Variants in PTPRD observed in about 807,000 individuals in gnomAD.
PTPRD encodes the protein receptor-type tyrosine-protein phosphatase delta.
In PTPRD, 34 loss-of-function variants were observed where a neutral mutation model predicts 214.5. The observed-to-expected ratio is 0.16, with a 90% confidence interval of 0.12 to 0.21. The LOEUF (loss-of-function observed/expected upper bound fraction) is 0.21. Among genes scored for constraint, PTPRD ranks in the 10% least tolerant of loss-of-function variants. The probability of loss-of-function intolerance (pLI) is 1.00; values close to 1 mark genes in which losing one functional copy is unlikely to be tolerated. For synonymous variants in PTPRD, 1,128 were observed against 845.7 expected (o/e 1.33, Z -5.79); for missense variants, 2,545 against 2,398.7 (o/e 1.06, Z -1.27).
chr9:8,541,755 C>T (rs1046553759), intron 14 of PTPRD, among the ~76,000 whole-genome samples: 54 of 152,136 alleles, frequency 3.5e-4, no homozygotes, highest in African/African-American at 1.3e-3. Flanking sequence ...ATTTATGAAA[C>T]TGCCCAAAGA....
chr9:8,766,934 G>GT (rs1258313295), intron 11 of PTPRD, among the ~76,000 whole-genome samples: 1 of 152,106 alleles, frequency 6.6e-6, no homozygotes, highest in Admixed American at 6.5e-5. Flanking sequence ...TAAGGTCATA[G>GT]TTTTCAAGAA....
intron 8 of PTPRD, among the ~76,000 whole-genome samples, chr9:9,418,858 G>A (rs1273556351): frequency 6.6e-6 from 1 of 151,884 alleles, no homozygotes; most frequent in Non-Finnish European, 1.5e-5. Flanking sequence ...GATTAATTTT[G>A]CATGGAACTT....
chr9:9,848,591 A>G (rs1465357560), intron 5 of PTPRD, among the ~76,000 whole-genome samples: 1 of 151,888 alleles, frequency 6.6e-6, no homozygotes, highest in African/African-American at 2.4e-5. Flanking sequence ...CAAGCTTGAA[A>G]CTCAAGCTTT....
At chr9:9,954,440 A>G (rs1357100940) in intron 4 of PTPRD, among the ~76,000 whole-genome samples, 1 of 151,870 alleles carries the variant, frequency 6.6e-6, no homozygotes, top group Non-Finnish European at 1.5e-5. Flanking sequence ...AACTTTAAAC[A>G]TGTTGTTTTA....
intron 11 of PTPRD, among the ~76,000 whole-genome samples, chr9:8,762,558 A>G (rs2094475912): frequency 6.6e-6 from 1 of 152,174 alleles, no homozygotes; most frequent in Admixed American, 6.5e-5. Flanking sequence ...GAGGAGAGAA[A>G]GCAATACAAA....
chr9:8,978,735 A>C (rs1424673040), intron 11 of PTPRD, among the ~76,000 whole-genome samples: 3 of 152,166 alleles, frequency 2.0e-5, no homozygotes, highest in African/African-American at 7.2e-5. Flanking sequence ...GAGAGACACA[A>C]GGAACAATGG....
At chr9:8,998,696 A>G (rs1021306760) in intron 11 of PTPRD, among the ~76,000 whole-genome samples, 4 of 152,210 alleles carry the variant, frequency 2.6e-5, no homozygotes, top group Middle Eastern at 3.4e-3. Flanking sequence ...TAGAGCTGCT[A>G]TGGATAGTGA....
At chr9:9,539,951 T>C (rs913333331) in intron 8 of PTPRD, among the ~76,000 whole-genome samples, 11 of 151,842 alleles carry the variant, frequency 7.2e-5, no homozygotes, top group African/African-American at 2.4e-4. Context: ...AATGGGGGAA[T>C]AGAAATTACC....
At chr9:9,453,774 A>G (rs536156031) in intron 8 of PTPRD, among the ~76,000 whole-genome samples, 41 of 151,856 alleles carry the variant, frequency 2.7e-4, no homozygotes, top group African/African-American at 9.6e-4. Flanking sequence ...GAGGTTTCAA[A>G]TATTTGTTTA....
At chr9:9,566,621 C>A (rs577176511) in intron 8 of PTPRD, among the ~76,000 whole-genome samples, 22 of 151,944 alleles carry the variant, frequency 1.4e-4, no homozygotes, top group Admixed American at 1.2e-3. Flanking sequence ...TTTAAAAAGG[C>A]TAAACACTAT....
chr9:9,824,505 AT>A (rs1359168817), intron 5 of PTPRD, among the ~76,000 whole-genome samples: 1 of 152,004 alleles, frequency 6.6e-6, no homozygotes, highest in Non-Finnish European at 1.5e-5. Flanking sequence ...AATAAAATAT[AT>A]AAAGTTTTAC....
At chr9:9,161,904 T>G (rs2099890083) in intron 10 of PTPRD, among the ~76,000 whole-genome samples, 1 of 152,206 alleles carries the variant, frequency 6.6e-6, no homozygotes, top group African/African-American at 2.4e-5. Context: ...TTCCTGTACC[T>G]TTATGAAATG....
At chr9:9,061,487 T>C (rs2099707292) in intron 10 of PTPRD, among the ~76,000 whole-genome samples, 2 of 152,170 alleles carry the variant, frequency 1.3e-5, no homozygotes, top group South Asian at 4.1e-4. Context: ...GAGCAGTTAC[T>C]GTAGCTGCCT....
intron 10 of PTPRD, among the ~76,000 whole-genome samples, chr9:9,060,361 G>A (rs1423420587): frequency 6.6e-6 from 1 of 152,044 alleles, no homozygotes; most frequent in Non-Finnish European, 1.5e-5. Flanking sequence ...ATCACTTCTA[G>A]AAGAATTTTA....
rs370125853 is a variant in PTPRD, at chr9:9,487,329, C to T, written c.-237+87403G>A. Among the ~76,000 whole-genome samples the T allele has an allele frequency of 1.1e-4, 17 of 151,680 alleles. No homozygotes were observed. In the East Asian group the frequency reaches 1.4e-3, roughly 12 times the overall value. On this transcript the variant is annotated intron_variant, in intron 8 of 45. Transcript: ENST00000381196. ...TGTGGTGTTTAGTTTTTTGTCCTTG[C>T]GATAGTTTGCTGAGAATGATGGTTT... is the stretch of plus-strand genomic sequence containing the variant.
At chr9:9,858,016 C>G (rs2061896216) in intron 5 of PTPRD, among the ~76,000 whole-genome samples, 1 of 152,140 alleles carries the variant, frequency 6.6e-6, no homozygotes, top group South Asian at 2.1e-4. Flanking sequence ...GAACCATTAT[C>G]TATGTCAAAA....
chr9:9,636,596 G>A (rs1447250832), intron 7 of PTPRD, among the ~76,000 whole-genome samples: 1 of 152,148 alleles, frequency 6.6e-6, no homozygotes, highest in Non-Finnish European at 1.5e-5. Context: ...GACACTAAAG[G>A]AGAAACAGTC....
chr9:8,631,428 C>G (rs1212027058), intron 14 of PTPRD, among the ~76,000 whole-genome samples: 1 of 151,780 alleles, frequency 6.6e-6, no homozygotes, highest in African/African-American at 2.4e-5. Flanking sequence ...GACTTGATTG[C>G]TTTAGAACTG....
chr9:10,026,967 A>T (rs965021722), intron 4 of PTPRD, among the ~76,000 whole-genome samples: 6 of 152,244 alleles, frequency 3.9e-5, no homozygotes, highest in South Asian at 4.1e-4. Flanking sequence ...ATCGATTTTA[A>T]CATCCCATTA....
Sources: gnomAD v4.1 joint callset for allele counts (sites outside exome capture counted in the v4.1 genomes callset) on GRCh38, gnomAD v4.1.1 for gene constraint, MANE v1.5 for transcripts, NCBI Gene and HGNC (gene_info 2026-07-23, HGNC 2026-07-21) for gene names.